Variants in ARHGEF28 observed in about 807,000 individuals in gnomAD.
ARHGEF28 encodes 190 kDa guanine nucleotide exchange factor.
In ARHGEF28, 152 loss-of-function variants were observed where a neutral mutation model predicts 206.6. The ratio of observed to expected loss-of-function variants is 0.74; its 90% confidence interval spans 0.64 to 0.84. The LOEUF is 0.84. Among genes scored for constraint, ARHGEF28 ranks in the 40% least tolerant of loss-of-function variants. The pLI, the probability that ARHGEF28 is intolerant of heterozygous loss-of-function variation, is 0.00. For missense variants in ARHGEF28, 2,028 were observed against 2,073.2 expected (o/e 0.98, Z 0.42); for synonymous variants, 763 against 776.4 (o/e 0.98, Z 0.29).
chr5:73,842,199 C>T lies in ARHGEF28; in HGVS notation c.1427+1439C>T, dbSNP rs183497869. 2.5e-3 allele frequency among the ~76,000 whole-genome samples: 381 copies of T among 152,230 alleles called. 1 individual carries two copies. Among genetic ancestry groups the T allele is most frequent in the African/African-American group, 8.8e-3 (367 of 41,544 alleles). ...GAGTAGCTTTTTTTTCCCCCATATCCTACCCATGTGATTATATGTTCATTT... is the reference window on the plus strand; with the variant it reads ...GAGTAGCTTTTTTTTCCCCCATATCTTACCCATGTGATTATATGTTCATTT... On this transcript the variant is annotated intron_variant, in intron 11 of 35. Transcript: ENST00000513042.
rs768434258 is a variant in ARHGEF28, at chr5:73,846,312, A to G, written c.1472A>G (p.His491Arg). The G allele has an allele frequency of 1.9e-5, 30 of 1,613,660 alleles. No individual in the cohort carries two copies. Among genetic ancestry groups the G allele is most frequent in the Non-Finnish European group, 2.3e-5 (27 of 1,179,756 alleles). ...GACGCCGACAGTGAAGGGGAAGGGCATTCTGAGCCATCCCACATCTGTTAC... is the reference window on the plus strand; with the variant it reads ...GACGCCGACAGTGAAGGGGAAGGGCGTTCTGAGCCATCCCACATCTGTTAC... ...ALDADSEGEG[H>R]SEPSHICYTP... Residue 491 changes from histidine (H) to arginine (R), a missense_variant, in exon 12 of 36, where the codon CAT becomes CGT. Physicochemically the swap from His to Arg is conservative, Grantham distance 29. This residue lies in a region of ARHGEF28 where 1,002 missense variants were observed against 1,015.3 expected (regional missense o/e 0.99). Transcript: ENST00000513042.
chr5:73,686,679 G>T lies in ARHGEF28; in HGVS notation c.33+1795G>T, dbSNP rs570538525. 5.1e-4 allele frequency among the ~76,000 whole-genome samples: 78 copies of T among 151,710 alleles called. 1 individual carries two copies. In the South Asian group the frequency reaches 0.016, roughly 30 times the overall value. ...GATTACAGACACCGCCACCACGCCC[G>T]GCAAATTTTTTTTTGTATGTTTTTA... On this transcript the variant is annotated intron_variant, in intron 2 of 35. Coordinates refer to ENST00000513042, the MANE Select transcript of ARHGEF28 (RefSeq NM_001177693.2).
intron 2 of ARHGEF28, among the ~76,000 whole-genome samples, chr5:73,746,246 A>G (rs1751710131): frequency 6.6e-6 from 1 of 152,128 alleles, no homozygotes; most frequent in South Asian, 2.1e-4. Context: ...GTTGTTTAAA[A>G]TGTTAAAAAG....
At chr5:73,851,064 T>G (rs1430489692) in intron 13 of ARHGEF28, among the ~76,000 whole-genome samples, 4 of 152,172 alleles carry the variant, frequency 2.6e-5, no homozygotes, top group Non-Finnish European at 5.9e-5. Context: ...GAAGGAATAA[T>G]TTTATCTGTG....
At position 73,686,114 on chromosome 5, in the gene ARHGEF28, T is replaced by C. The variant is rs116641206; in HGVS notation, c.33+1230T>C. Among the ~76,000 whole-genome samples, 780 of 152,266 alleles carry C rather than the reference T, an allele frequency of 5.1e-3. 5 individuals carry two copies. Among genetic ancestry groups the C allele is most frequent in the African/African-American group, 0.018 (756 of 41,546 alleles). The stretch of plus-strand genomic sequence containing the variant: ...ATAGTAGAAAAGCTGCCCCTTGAGT[T>C]GCCCAGTGATCTCTAGTACTCTCTC... On this transcript the variant is annotated intron_variant, in intron 2 of 35. Coordinates refer to ENST00000513042, the MANE Select transcript of ARHGEF28 (RefSeq NM_001177693.2).
At chr5:73,938,160 C>CCACACACACA (rs199804024) in intron 35 of ARHGEF28, among the ~76,000 whole-genome samples, 27,291 of 139,368 alleles carry the variant, frequency 0.2, 2,683 homozygotes, top group Non-Finnish European at 0.22. Context: ...CTACACTACA[C>CCACACACACA]CACACACACA....
intron 33 of ARHGEF28, chr5:73,909,176 G>A (rs1762718635): frequency 2.3e-6 from 1 of 439,568 alleles, no homozygotes; most frequent in Non-Finnish European, 3.9e-6. Context: ...TATTGCTTTT[G>A]GGCTTTGTTT....
intron 1 of ARHGEF28, among the ~76,000 whole-genome samples, chr5:73,680,914 G>T (rs528942642): frequency 6.6e-6 from 1 of 151,792 alleles, no homozygotes; most frequent in Non-Finnish European, 1.5e-5. Flanking sequence ...TGTTGCCCAG[G>T]CTGGTCTCAA....
intron 6 of ARHGEF28, among the ~76,000 whole-genome samples, chr5:73,779,297 G>A (rs915010036): frequency 6.6e-6 from 1 of 152,098 alleles, no homozygotes; most frequent in African/African-American, 2.4e-5. Context: ...TCACTTTTTA[G>A]TTATTTCCTC....
chr5:73,790,025 GT>G (rs984287268), intron 7 of ARHGEF28, among the ~76,000 whole-genome samples: 1 of 152,162 alleles, frequency 6.6e-6, no homozygotes, highest in Non-Finnish European at 1.5e-5. Context: ...CGGTAGAAAA[GT>G]TTTCACAGTA....
intron 22 of ARHGEF28, among the ~76,000 whole-genome samples, chr5:73,876,890 G>A (rs1231439401): frequency 1.4e-5 from 2 of 146,242 alleles, no homozygotes; most frequent in African/African-American, 5.2e-5. Flanking sequence ...CTCTTTTTTG[G>A]TTGTGTCTCT....
chr5:73,909,782 A>G lies in ARHGEF28; in HGVS notation c.4532A>G (p.Gln1511Arg). 6.6e-7 allele frequency: 1 copy of G among 1,517,700 alleles called. No individual in the cohort carries two copies. Among genetic ancestry groups the G allele is most frequent in the South Asian group, 1.3e-5 (1 of 79,480 alleles). The allele number at this position is 1,517,700 out of a possible 1,614,324, so 94.0% of individuals were successfully genotyped here. ...AGCCTGGAGCGGCTGAGGGAGGGCC[A>G]GCGCCTGGTGGAGAGGGAGCAGGCG... ...QHSLERLREG[Q>R]RLVEREQARM... Residue 1511 changes from glutamine (Q) to arginine (R), a missense_variant, in exon 34 of 36, where the codon CAG becomes CGG. Around this residue, in one of 3 missense-constraint regions of ARHGEF28, gnomAD observed 803 missense variants for 768.0 expected, o/e 1.05. Transcript: ENST00000513042.
At position 73,873,238 on chromosome 5, in the gene ARHGEF28, G is replaced by T; in HGVS notation, c.2806G>T (p.Val936Leu). 6.2e-7 allele frequency: 1 copy of T among 1,609,398 alleles called. No individual in the cohort carries two copies. The highest frequency in any genetic ancestry group is 2.2e-5 in the East Asian group (1 of 44,774). Residue 936 changes from valine (V) to leucine (L), a missense_variant, in exon 22 of 36, where the codon GTA (valine) becomes TTA (leucine). Around this residue, in one of 3 missense-constraint regions of ARHGEF28, gnomAD observed 223 missense variants for 289.9 expected, o/e 0.77. Coordinates refer to ENST00000513042, the MANE Select transcript of ARHGEF28 (RefSeq NM_001177693.2). The part of the protein sequence containing the change: ...FVIDRIGDIL[V>L]QQFSEENASK... ...GATCGACCGAATTGGAGATATTTTG[G>T]TACAACAGGTAAGAAGAGCTTAAAG...
chr5:73,776,578 A>G lies in ARHGEF28; in HGVS notation c.722A>G (p.His241Arg), dbSNP rs765756455. 3.1e-6 allele frequency: 5 copies of G among 1,613,836 alleles called. No individual in the cohort carries two copies. The highest frequency in any genetic ancestry group is 4.2e-6 in the Non-Finnish European group (5 of 1,179,864). The change falls in exon 6 of 36, where the codon CAT becomes CGT. Residue 241 changes from histidine (H) to arginine (R), a missense_variant. Physicochemically the swap from His to Arg is conservative, Grantham distance 29. Around this residue, in one of 3 missense-constraint regions of ARHGEF28, gnomAD observed 1,002 missense variants for 1,015.3 expected, o/e 0.99. Transcript: ENST00000513042. ...CAGCTCAGTGAAGAAGCCTCCTTGC[A>G]TTACATTCACTCATCGGAAACGCTG... ...RVQLSEEASL[H>R]YIHSSETLTL... is the part of the protein sequence containing the mutation.
At chr5:73,936,876 C>A (rs1209433324) in intron 35 of ARHGEF28, among the ~76,000 whole-genome samples, 1 of 152,086 alleles carries the variant, frequency 6.6e-6, no homozygotes, top group Non-Finnish European at 1.5e-5. Context: ...CCACTTTGTT[C>A]ATTTTAAATA....
chr5:73,818,446 T>C (rs1401507507), intron 9 of ARHGEF28, among the ~76,000 whole-genome samples: 3 of 152,202 alleles, frequency 2.0e-5, no homozygotes, highest in Non-Finnish European at 4.4e-5. Context: ...CATGTGGATA[T>C]GCAAGTGAGT....
chr5:73,790,015 C>T (rs567779927), intron 7 of ARHGEF28, among the ~76,000 whole-genome samples: 13 of 152,184 alleles, frequency 8.5e-5, no homozygotes, highest in South Asian at 8.3e-4. Flanking sequence ...AAAGATAATC[C>T]GGTAGAAAAG....
chr5:73,828,583 C>G (rs1051027809), intron 9 of ARHGEF28, among the ~76,000 whole-genome samples: 2 of 150,830 alleles, frequency 1.3e-5, no homozygotes, highest in Admixed American at 1.3e-4. Flanking sequence ...CCTTTTCTTC[C>G]TTTCCTTTCC....
In ARHGEF28 at chr5:73,864,839, A is replaced by G. The variant is rs1759609298; in HGVS notation, c.2070A>G (p.Lys690=). The change falls in exon 17 of 36, where the codon AAA becomes AAG. Residue 690 remains lysine (K), a synonymous_variant. Coordinates refer to ENST00000513042, the MANE Select transcript of ARHGEF28 (RefSeq NM_001177693.2). Reference sequence around the variant, plus strand: ...CAGACTGTAATGCAAATGTGCACAAAGGTTGTAAAGATGCTGCGCCTGCAT... The same window carrying G: ...CAGACTGTAATGCAAATGTGCACAAGGGTTGTAAAGATGCTGCGCCTGCAT... ...QCSNCNANVH[K]GCKDAAPACT... The G allele has an allele frequency of 6.2e-7, 1 of 1,613,208 alleles. No homozygotes were observed. The highest frequency in any genetic ancestry group is 1.3e-5 in the African/African-American group (1 of 74,928).
Sources: allele counts gnomAD v4.1 joint callset (sites outside exome capture counted in the v4.1 genomes callset), GRCh38; gene constraint gnomAD v4.1.1; regional missense constraint gnomAD v4.1.1; transcripts MANE v1.5; gene names NCBI Gene and HGNC (gene_info 2026-07-23, HGNC 2026-07-21).